ZNF765: variants seen among roughly 807,000 people sequenced by gnomAD.
The protein encoded by ZNF765 is zinc finger protein 765.
A neutral mutation model predicts 44.7 loss-of-function variants in ZNF765; 37 were observed. The observed-to-expected ratio is 0.83, with a 90% CI of 0.64 to 1.09. The LOEUF (loss-of-function observed/expected upper bound fraction) is 1.09, where lower values mean the gene tolerates loss of function less well. Ranked by LOEUF, ZNF765 falls within the 50% of genes least tolerant of loss-of-function variation. The pLI is 0.00. For synonymous variants in ZNF765, 201 were observed against 213.7 expected (o/e 0.94, Z 0.52); for missense variants, 594 against 626.1 (o/e 0.95, Z 0.55).
chr19:53,426,027 C>G (rs913437855), exon 4 of ZNF765: 20 of 152,422 alleles, frequency 1.3e-4, no homozygotes, highest in African/African-American at 4.8e-4. Context: ...GGCGTTATCT[C>G]CTGTCCGGGG....
downstream of ZNF765, among the ~76,000 whole-genome samples, chr19:53,414,436 C>A (rs1257185848): frequency 0.021 from 72 of 3,350 alleles, 4 homozygotes; most frequent in Non-Finnish European, 0.065. Flanking sequence ...CCCTCCCCAC[C>A]ACACACACAC....
chr19:53,402,335 C>A (rs1042958819), intron 3 of ZNF765, 144 bp downstream of exon 3: 53 of 1,404,530 alleles, frequency 3.8e-5, no homozygotes, highest in Non-Finnish European at 4.6e-5. Flanking sequence ...CGGCTCACGG[C>A]CAGCTCCGCC....
chr19:53,414,481 ACACACACACCCCCCCCCC>A (rs2085861136), downstream of ZNF765, among the ~76,000 whole-genome samples: 1 of 1,738 alleles, frequency 5.8e-4, no homozygotes, highest in African/African-American at 1.8e-3. Flanking sequence ...ACACACACAC[ACACACACACCCCCCCCCC>A]CCCCCCCCCC....
intron 3 of ZNF765, among the ~76,000 whole-genome samples, chr19:53,405,678 C>T (rs1334449832): frequency 6.7e-6 from 1 of 150,318 alleles, no homozygotes; most frequent in Non-Finnish European, 1.5e-5. Context: ...ACCAAATTGT[C>T]TCAAAGGCCC....
intron 3 of ZNF765, 39 bp from the exon 4 acceptor site, chr19:53,407,659 G>A (rs2061773): frequency 0.85 from 1,221,787 of 1,431,652 alleles, 523,679 homozygotes; most frequent in Admixed American, 0.88. Flanking sequence ...TTTACCATCT[G>A]TACTTAATTT....
chr19:53,415,035 G>A (rs1012504368), downstream of ZNF765, among the ~76,000 whole-genome samples: 1 of 152,174 alleles, frequency 6.6e-6, no homozygotes, highest in South Asian at 2.1e-4. Context: ...ACTTTGGGAG[G>A]TTGAGGCAGG....
At chr19:53,405,664 C>T (rs2085766259) in intron 3 of ZNF765, among the ~76,000 whole-genome samples, 2 of 149,338 alleles carry the variant, frequency 1.3e-5, no homozygotes, top group African/African-American at 4.9e-5. Context: ...AGTCAACACC[C>T]ATGACCAAAT....
At chr19:53,406,543 CTAAT>C (rs2085777977) in intron 3 of ZNF765, among the ~76,000 whole-genome samples, 1 of 152,070 alleles carries the variant, frequency 6.6e-6, no homozygotes, top group Non-Finnish European at 1.5e-5. Flanking sequence ...CAATATTTTA[CTAAT>C]TAATTTTTAT....
chr19:53,425,448 A>G (rs1429435086), exon 4 of ZNF765: 2 of 152,100 alleles, frequency 1.3e-5, no homozygotes, highest in East Asian at 3.9e-4. Flanking sequence ...AGCTGGGACT[A>G]CAGGTGTGCC....
rs182896212 is a variant in ZNF765, at chr19:53,407,702, C to T, written c.147C>T (p.Ile49=). 1.7e-5 allele frequency: 26 copies of T among 1,541,330 alleles called. No individual in the cohort carries two copies. The East Asian group carries it at 4.1e-4, about 24-fold the overall frequency. Reference sequence around the variant, plus strand: ...TTTGGTGTGTATACTTTTTAGATATCTCTTCCAAATGCATGATGAAGGAGT... The same window carrying T: ...TTTGGTGTGTATACTTTTTAGATATTTCTTCCAAATGCATGATGAAGGAGT... ...ENYRNLVSLD[I]SSKCMMKEFS... Residue 49 remains isoleucine (I), a synonymous_variant, in exon 4 of 4, where the codon ATC becomes ATT. Coordinates refer to ENST00000396408, the MANE Select transcript of ZNF765 (RefSeq NM_001040185.3).
chr19:53,400,547 C>A (rs2085713881), intron 2 of ZNF765, among the ~76,000 whole-genome samples: 1 of 152,044 alleles, frequency 6.6e-6, no homozygotes, highest in Non-Finnish European at 1.5e-5. Flanking sequence ...TTCAGTTCAA[C>A]AAAACTTGCT....
Position 53,407,724 on chromosome 19 carries a change from G to C in ZNF765, c.169G>C (p.Glu57Gln), listed in dbSNP as rs778344535. Residue 57 changes from glutamate to glutamine, a missense_variant, in exon 4 of 4, where the codon GAG becomes CAG. Transcript: ENST00000396408. Reference protein sequence around the residue: ...LDISSKCMMKEFSSTAQGNRE... With the variant: ...LDISSKCMMKQFSSTAQGNRE... ...TATCTCTTCCAAATGCATGATGAAG[G>C]AGTTCTCGTCAACAGCACAAGGCAA... is the stretch of plus-strand genomic sequence containing the variant. 1.9e-6 allele frequency: 3 copies of C among 1,561,882 alleles called. No homozygotes were observed. Among genetic ancestry groups the C allele is most frequent in the Admixed American group, 2.0e-5 (1 of 50,556 alleles).
In ZNF765 at chr19:53,401,146, A is replaced by C. The variant is rs183926850; in HGVS notation, c.16-919A>C. On this transcript the variant is annotated intron_variant, in intron 2 of 3. Transcript: ENST00000396408. ...CTCCCAGGTAGCTGGGATAACAGGC[A>C]TGTGCCACTGCACCCAGCCAGATTT... Among the ~76,000 whole-genome samples the C allele has an allele frequency of 2.6e-3, 390 of 152,232 alleles. 2 individuals carry two copies. Among genetic ancestry groups the C allele is most frequent in the African/African-American group, 8.9e-3 (370 of 41,546 alleles).
chr19:53,422,060 C>T (rs2085910830), intron 3 of ZNF765, among the ~76,000 whole-genome samples: 1 of 152,118 alleles, frequency 6.6e-6, no homozygotes, highest in Non-Finnish European at 1.5e-5. Context: ...TACATTTTAT[C>T]AAGGTCTTTA....
intron 2 of ZNF765, among the ~76,000 whole-genome samples, chr19:53,398,906 C>T (rs1264267232): frequency 4.6e-5 from 7 of 151,736 alleles, no homozygotes; most frequent in Non-Finnish European, 8.8e-5. Context: ...TGCACCACCA[C>T]GCCCAGCTAA....
At position 53,410,203 on chromosome 19, in the gene ZNF765, C is replaced by A. The variant is rs534272671; in HGVS notation, c.*1076C>A. 184 of 367,756 alleles carry A rather than the reference C, an allele frequency of 5.0e-4. 1 individual carries two copies. Among genetic ancestry groups the A allele is most frequent in the African/African-American group, 3.7e-3 (173 of 46,804 alleles). 22.8% of individuals were successfully genotyped at this position (367,756 alleles called of 1,614,324 possible). A position where few individuals can be genotyped will look rare whatever the true frequency, so the allele number is the denominator to read the frequency against. On this transcript the variant is annotated 3_prime_UTR_variant, in exon 4 of 4. Coordinates refer to ENST00000396408, the MANE Select transcript of ZNF765 (RefSeq NM_001040185.3). ...TAATGAACGTGGCAAGGTTTTAAAT[C>A]AAAAAGCAAAGCTTGCACATCATCA...
At position 53,408,453 on chromosome 19, in the gene ZNF765, A is replaced by G. The variant is rs2085798905; in HGVS notation, c.898A>G (p.Lys300Glu). The G allele has an allele frequency of 6.2e-7, 1 of 1,613,752 alleles. No individual in the cohort carries two copies. Residue 300 changes from lysine (K) to glutamate (E), a missense_variant, in exon 4 of 4, where the codon AAA becomes GAA. Around this residue, in one of 2 missense-constraint regions of ZNF765, gnomAD observed 567 missense variants for 572.6 expected, o/e 0.99. Coordinates refer to ENST00000396408, the MANE Select transcript of ZNF765 (RefSeq NM_001040185.3). ...ACTTCATACTGGAGAGAAACCTTAC[A>G]AATGTGAAGAATGTGACAAAGCTTT... ...RRLHTGEKPY[K>E]CEECDKAFHF...
intron 3 of ZNF765, among the ~76,000 whole-genome samples, chr19:53,420,187 C>T (rs2085898976): frequency 6.6e-6 from 1 of 151,946 alleles, no homozygotes; most frequent in Admixed American, 6.6e-5. Context: ...CAAAAATTAG[C>T]TTGGCGTGGT....
At chr19:53,415,504 G>A (rs1166502378), downstream of ZNF765, among the ~76,000 whole-genome samples, 3 of 152,128 alleles carry the variant, frequency 2.0e-5, no homozygotes, top group East Asian at 1.9e-4. Flanking sequence ...AAAATTATGT[G>A]TAGATATAAA....
Sources: allele counts gnomAD v4.1 joint callset (sites outside exome capture counted in the v4.1 genomes callset), GRCh38; gene constraint gnomAD v4.1.1; regional missense constraint gnomAD v4.1.1; transcripts MANE v1.5; gene names NCBI Gene and HGNC (gene_info 2026-07-23, HGNC 2026-07-21).